The following TAFA1 variants were observed in gnomAD, a reference collection of about 807,000 sequenced individuals.
TAFA1 encodes the protein TAFA chemokine like family member 1.
TAFA1 carries 4 observed loss-of-function variants against 18.5 expected under a neutral mutation model. The observed-to-expected ratio is 0.22, with a 90% CI of 0.11 to 0.49. TAFA1 has a LOEUF of 0.49. Among genes scored for constraint, TAFA1 ranks in the 20% least tolerant of loss-of-function variants. The pLI is 0.98. For synonymous variants in TAFA1, 56 were observed against 55.2 expected (o/e 1.01, Z -0.06); for missense variants, 147 against 169.0 (o/e 0.87, Z 0.72).
At chr3:68,488,940 C>T (rs991898910) in intron 3 of TAFA1, among the ~76,000 whole-genome samples, 5 of 152,058 alleles carry the variant, frequency 3.3e-5, no homozygotes, top group Admixed American at 2.0e-4. Flanking sequence ...CCAACAGAAC[C>T]GACATTTATT....
intron 2 of TAFA1, among the ~76,000 whole-genome samples, chr3:68,172,632 T>A (rs773557790): frequency 7.2e-5 from 11 of 152,156 alleles, no homozygotes; most frequent in Non-Finnish European, 1.5e-4. Flanking sequence ...GTCCATCAGC[T>A]GCTGAATCAA....
intron 3 of TAFA1, chr3:68,417,669 T>C (rs1376518194): frequency 2.2e-6 from 1 of 459,794 alleles, no homozygotes; most frequent in African/African-American, 2.0e-5. Flanking sequence ...GTGGGACCTT[T>C]GAGAGGTGAC....
intron 2 of TAFA1, among the ~76,000 whole-genome samples, chr3:68,090,195 C>T (rs746789307): frequency 1.3e-5 from 2 of 152,178 alleles, no homozygotes; most frequent in African/African-American, 2.4e-5. Flanking sequence ...TTCTCTCCAA[C>T]ACATAAAACA....
intron 3 of TAFA1, among the ~76,000 whole-genome samples, chr3:68,519,249 A>C (rs1271418854): frequency 6.6e-6 from 1 of 152,186 alleles, no homozygotes; most frequent in African/African-American, 2.4e-5. Context: ...CCAGTGAACT[A>C]CTTTGTCTCT....
intron 2 of TAFA1, among the ~76,000 whole-genome samples, chr3:68,411,453 A>G (rs1575843478): frequency 1.3e-5 from 2 of 152,236 alleles, no homozygotes; most frequent in East Asian, 3.8e-4. Context: ...ATGTAATGTG[A>G]TATCTTTGAT....
At chr3:68,509,188 T>C (rs1213378329) in intron 3 of TAFA1, among the ~76,000 whole-genome samples, 2 of 152,118 alleles carry the variant, frequency 1.3e-5, no homozygotes, top group East Asian at 3.9e-4. Context: ...TCACTTTGAT[T>C]ACCAAAATTG....
intron 2 of TAFA1, among the ~76,000 whole-genome samples, chr3:68,257,094 C>T (rs1159354825): frequency 6.6e-6 from 1 of 152,042 alleles, no homozygotes; most frequent in Non-Finnish European, 1.5e-5. Flanking sequence ...TCTCTCTGGC[C>T]CTTGACTATA....
intron 2 of TAFA1, among the ~76,000 whole-genome samples, chr3:68,349,570 A>T (rs2069227534): frequency 6.6e-6 from 1 of 152,050 alleles, no homozygotes; most frequent in African/African-American, 2.4e-5. Context: ...TTTCATAGGA[A>T]AAAAAGTCAA....
At chr3:68,469,969 T>C (rs768083863) in intron 3 of TAFA1, among the ~76,000 whole-genome samples, 20 of 152,164 alleles carry the variant, frequency 1.3e-4, no homozygotes, top group Non-Finnish European at 2.5e-4. Context: ...ATCTTGACTG[T>C]GGTGGTGATA....
intron 2 of TAFA1, among the ~76,000 whole-genome samples, chr3:68,312,998 A>G (rs2068545710): frequency 6.6e-6 from 1 of 152,186 alleles, no homozygotes; most frequent in African/African-American, 2.4e-5. Context: ...GGCAAAAAAG[A>G]GAGCTTGTGC....
At chr3:68,244,818 G>GA (rs1190995304) in intron 2 of TAFA1, among the ~76,000 whole-genome samples, 4 of 151,970 alleles carry the variant, frequency 2.6e-5, no homozygotes, top group African/African-American at 9.7e-5. Flanking sequence ...ATTATTTGCA[G>GA]AAAAAAATGC....
intron 4 of TAFA1, among the ~76,000 whole-genome samples, chr3:68,541,378 G>A (rs1054064590): frequency 5.9e-5 from 9 of 152,130 alleles, no homozygotes; most frequent in Admixed American, 4.6e-4. Flanking sequence ...GTGTGTCAAC[G>A]CCAGTCCTTA....
At chr3:68,237,508 C>T (rs1429419385) in intron 2 of TAFA1, among the ~76,000 whole-genome samples, 1 of 152,154 alleles carries the variant, frequency 6.6e-6, no homozygotes, top group East Asian at 1.9e-4. Flanking sequence ...GCTACGCACA[C>T]ATCAGGTACA....
intron 2 of TAFA1, among the ~76,000 whole-genome samples, chr3:68,345,354 G>C (rs2069148676): frequency 6.6e-6 from 1 of 152,166 alleles, no homozygotes; most frequent in South Asian, 2.1e-4. Flanking sequence ...TGGCTGCTGT[G>C]TATTTCTCAT....
intron 2 of TAFA1, among the ~76,000 whole-genome samples, chr3:68,006,947 G>A (rs1704369399): frequency 6.6e-6 from 1 of 152,144 alleles, no homozygotes; most frequent in African/African-American, 2.4e-5. Context: ...TCTCAGAAAA[G>A]GTGTGTTTTT....
chr3:68,066,639 C>G (rs768861469), intron 2 of TAFA1, among the ~76,000 whole-genome samples: 1 of 152,134 alleles, frequency 6.6e-6, no homozygotes, highest in South Asian at 2.1e-4. Context: ...GGTTGAGATA[C>G]AGTAGATTAG....
chr3:68,186,762 C>G (rs1229859602), intron 2 of TAFA1, among the ~76,000 whole-genome samples: 1 of 152,072 alleles, frequency 6.6e-6, no homozygotes, highest in Non-Finnish European at 1.5e-5. Flanking sequence ...TGGTGTGTGC[C>G]TGGCTCTTTA....
At chr3:68,447,910 A>T (rs559860407) in intron 3 of TAFA1, among the ~76,000 whole-genome samples, 1 of 152,244 alleles carries the variant, frequency 6.6e-6, no homozygotes, top group African/African-American at 2.4e-5. Flanking sequence ...TAAACACTTT[A>T]TTAAGTTGGT....
intron 3 of TAFA1, among the ~76,000 whole-genome samples, chr3:68,490,923 G>A (rs375871061): frequency 3.3e-5 from 5 of 151,228 alleles, no homozygotes; most frequent in South Asian, 2.1e-4. Flanking sequence ...CACTACAGCC[G>A]GACCTCCCAG....
Sources: allele counts gnomAD v4.1 joint callset (sites outside exome capture counted in the v4.1 genomes callset), GRCh38; gene constraint gnomAD v4.1.1; transcripts MANE v1.5; gene names NCBI Gene and HGNC (gene_info 2026-07-23, HGNC 2026-07-21).